The following ZNF516 variants were observed in gnomAD, a reference collection of about 807,000 sequenced individuals.
ZNF516 encodes the protein zinc finger protein 516.
In ZNF516, 19 loss-of-function variants were observed where a neutral mutation model predicts 79.7. That is an observed-to-expected ratio of 0.24 (90% CI 0.17 to 0.35). ZNF516 has a LOEUF of 0.35. Among genes scored for constraint, ZNF516 ranks in the 10% least tolerant of loss-of-function variants. ZNF516 has a pLI of 1.00. For missense variants in ZNF516, 1,678 were observed against 1,679.5 expected, an observed-to-expected ratio of 1.00 and a Z score of 0.02; for synonymous variants, 877 against 739.5, an observed-to-expected ratio of 1.19 and a Z score of -3.02.
intron 3 of ZNF516, among the ~76,000 whole-genome samples, chr18:76,396,240 AG>A (rs2075144703): frequency 6.6e-6 from 1 of 152,094 alleles, no homozygotes; most frequent in Admixed American, 6.5e-5. Context: ...CTATGAAACT[AG>A]CCCCATACAA....
At chr18:76,403,508 G>A (rs539075204) in intron 3 of ZNF516, among the ~76,000 whole-genome samples, 1 of 152,284 alleles carries the variant, frequency 6.6e-6, no homozygotes, top group Admixed American at 6.5e-5. Context: ...ATCGCAGTGT[G>A]GTCTGGGTTG....
intron 2 of ZNF516, among the ~76,000 whole-genome samples, chr18:76,453,044 T>C (rs1912512761): frequency 6.6e-6 from 1 of 152,364 alleles, no homozygotes; most frequent in South Asian, 2.1e-4. Flanking sequence ...CTGTTACTTG[T>C]CATTTACTAT....
At chr18:76,418,191 TAA>T (rs1030342655) in intron 3 of ZNF516, among the ~76,000 whole-genome samples, 1 of 151,626 alleles carries the variant, frequency 6.6e-6, no homozygotes, top group African/African-American at 2.4e-5. Context: ...ACACATGCTA[TAA>T]CACACTGTAA....
chr18:76,362,411 C>A lies in ZNF516; in HGVS notation c.*87G>T. On this transcript the variant is annotated 3_prime_UTR_variant, in exon 7 of 7. Coordinates refer to ENST00000443185, the MANE Select transcript of ZNF516 (RefSeq NM_014643.4). ...CCCGGCTGTTCTTCCATGGAGCGGC[C>A]AGGTCACAGGTGGGAGGCTGCTGGG... 1 of 1,357,932 alleles carries A rather than the reference C, an allele frequency of 7.4e-7. No individual in the cohort carries two copies. The highest frequency in any genetic ancestry group is 1.0e-6 in the Non-Finnish European group (1 of 968,640). 84.1% of individuals were successfully genotyped at this position (1,357,932 alleles called of 1,614,324 possible).
chr18:76,406,607 C>T (rs1444512012), intron 3 of ZNF516, among the ~76,000 whole-genome samples: 1 of 152,108 alleles, frequency 6.6e-6, no homozygotes, highest in East Asian at 1.9e-4. Context: ...ATAAAGCCAG[C>T]GACAGCCGCG....
At chr18:76,371,637 G>A in intron 4 of ZNF516, 66 bp from the exon 5 acceptor site, 4 of 1,324,776 alleles carry the variant, frequency 3.0e-6, no homozygotes, top group Non-Finnish European at 3.2e-6. Flanking sequence ...GAGGAGGCAG[G>A]AGAGCGAGGG....
In ZNF516 at chr18:76,360,664, T is replaced by A. The variant is rs1294194019; in HGVS notation, c.*1834A>T. Reference sequence around the variant, plus strand: ...AAAAAAAAATATATATATATATATATATATATATATATATAAGCTAGCCAG... The same window carrying A: ...AAAAAAAAATATATATATATATATAAATATATATATATATAAGCTAGCCAG... On this transcript the variant is annotated 3_prime_UTR_variant, in exon 7 of 7. Coordinates refer to ENST00000443185, the MANE Select transcript of ZNF516 (RefSeq NM_014643.4). The A allele has an allele frequency of 3.5e-4, 43 of 121,280 alleles. No individual in the cohort carries two copies. The highest frequency in any genetic ancestry group is 1.2e-3 in the African/African-American group (40 of 34,474). 7.5% of individuals were successfully genotyped at this position (121,280 alleles called of 1,614,324 possible). A position where few individuals can be genotyped will look rare whatever the true frequency, so the allele number is the denominator to read the frequency against.
Position 76,361,812 on chromosome 18 carries a change from C to T in ZNF516, c.*686G>A, listed in dbSNP as rs920075203. ...TCTCCTTTGCCAGATTCGCTCAGTT[C>T]GAATGGTGGGAAGAATGGAACAGGC... On this transcript the variant is annotated 3_prime_UTR_variant, in exon 7 of 7. Coordinates refer to ENST00000443185, the MANE Select transcript of ZNF516 (RefSeq NM_014643.4). 6.6e-6 allele frequency: 1 copy of T among 152,074 alleles called. No homozygotes were observed. Among genetic ancestry groups the T allele is most frequent in the Admixed American group, 6.5e-5 (1 of 15,268 alleles). 9.4% of individuals were successfully genotyped at this position (152,074 alleles called of 1,614,324 possible). A position where few individuals can be genotyped will look rare whatever the true frequency, so the allele number is the denominator to read the frequency against.
intron 3 of ZNF516, among the ~76,000 whole-genome samples, chr18:76,418,148 CAT>C (rs2075456384): frequency 6.6e-6 from 1 of 152,142 alleles, no homozygotes; most frequent in African/African-American, 2.4e-5. Context: ...TACACAGTAA[CAT>C]ACACAGTAAC....
At position 76,371,654 on chromosome 18, in the gene ZNF516, G is replaced by T. The variant is rs1464431771; in HGVS notation, c.3260-83C>A. On this transcript the variant is annotated intron_variant, in intron 4 of 6. Coordinates refer to ENST00000443185, the MANE Select transcript of ZNF516 (RefSeq NM_014643.4). ...GGAGGCAGGAGAGCGAGGGGGAAGC[G>T]AGAGGAAAACATCATTAGTCTGTCT... 9.5e-5 allele frequency: 105 copies of T among 1,108,584 alleles called. No individual in the cohort carries two copies. The highest frequency in any genetic ancestry group is 1.2e-4 in the Non-Finnish European group (90 of 756,322). 68.7% of individuals were successfully genotyped at this position (1,108,584 alleles called of 1,614,324 possible).
At chr18:76,412,451 G>A (rs567649080) in intron 3 of ZNF516, among the ~76,000 whole-genome samples, 5 of 152,224 alleles carry the variant, frequency 3.3e-5, no homozygotes, top group South Asian at 2.1e-4. Flanking sequence ...GCACACAGGC[G>A]TGACCCCAAA....
intron 3 of ZNF516, among the ~76,000 whole-genome samples, chr18:76,417,172 G>A (rs1423070027): frequency 6.6e-6 from 1 of 152,214 alleles, no homozygotes; most frequent in African/African-American, 2.4e-5. Flanking sequence ...CGATGCCGCA[G>A]CGGCTACTGA....
chr18:76,423,427 C>G (rs1373157026), intron 3 of ZNF516, among the ~76,000 whole-genome samples: 1 of 152,218 alleles, frequency 6.6e-6, no homozygotes, highest in Non-Finnish European at 1.5e-5. Flanking sequence ...CTGAAACACA[C>G]GCAGGTGAAA....
chr18:76,434,618 T>G (rs1388169362), intron 3 of ZNF516, among the ~76,000 whole-genome samples: 1 of 152,234 alleles, frequency 6.6e-6, no homozygotes, highest in Admixed American at 6.5e-5. Context: ...ACCACGGCTG[T>G]GGCTGTGGGA....
intron 3 of ZNF516, among the ~76,000 whole-genome samples, chr18:76,424,545 C>T (rs796278883): frequency 1.5e-4 from 18 of 123,414 alleles, no homozygotes; most frequent in African/African-American, 4.2e-4. Context: ...AGGCTCCCCC[C>T]GAAACACACA....
At chr18:76,473,601 A>T (rs560391782) in intron 1 of ZNF516, among the ~76,000 whole-genome samples, 8 of 151,984 alleles carry the variant, frequency 5.3e-5, no homozygotes, top group Admixed American at 1.3e-4. Flanking sequence ...GGAGATGGAG[A>T]CCATCCTAGC....
chr18:76,457,279 A>G (rs1912789529), intron 2 of ZNF516, among the ~76,000 whole-genome samples: 1 of 152,242 alleles, frequency 6.6e-6, no homozygotes, highest in African/African-American at 2.4e-5. Flanking sequence ...CTTAAACTGA[A>G]CATATCTCCA....
At chr18:76,366,417 GACA>G (rs1427127024) in intron 6 of ZNF516, among the ~76,000 whole-genome samples, 2 of 152,186 alleles carry the variant, frequency 1.3e-5, no homozygotes, top group Non-Finnish European at 1.5e-5. Context: ...TGCCTATCTT[GACA>G]ACACTTTTCT....
At chr18:76,431,645 G>A (rs897380279) in intron 3 of ZNF516, among the ~76,000 whole-genome samples, 4 of 152,180 alleles carry the variant, frequency 2.6e-5, no homozygotes, top group Non-Finnish European at 4.4e-5. Context: ...TTCTCGCTGA[G>A]TTCACGCGAG....
Sources: gnomAD v4.1 joint callset for allele counts (sites outside exome capture counted in the v4.1 genomes callset) on GRCh38, gnomAD v4.1.1 for gene constraint, MANE v1.5 for transcripts, NCBI Gene and HGNC (gene_info 2026-07-23, HGNC 2026-07-21) for gene names.